GRIK1: variants seen among roughly 807,000 people sequenced by gnomAD.
GRIK1 encodes the protein glutamate ionotropic receptor kainate type subunit 1.
In GRIK1, 69 loss-of-function variants were observed where a neutral mutation model predicts 105.7. That is an observed-to-expected ratio of 0.65 (90% confidence interval 0.54 to 0.80). The LOEUF (loss-of-function observed/expected upper bound fraction) is 0.80. Among genes scored for constraint, GRIK1 ranks in the 30% least tolerant of loss-of-function variants. GRIK1 has a pLI of 0.00. For missense variants in GRIK1, 1,109 were observed against 1,167.3 expected, an observed-to-expected ratio of 0.95 and a Z score of 0.73; for synonymous variants, 438 against 431.3, an observed-to-expected ratio of 1.02 and a Z score of -0.19.
intron 1 of GRIK1, among the ~76,000 whole-genome samples, chr21:29,795,928 G>C (rs1310023906): frequency 6.6e-6 from 1 of 151,958 alleles, no homozygotes; most frequent in Non-Finnish European, 1.5e-5. Context: ...TGCTGTCCAG[G>C]GTTGTCAAAA....
rs560370836 is a variant in GRIK1, at chr21:29,691,533, G to A, written c.287-1548C>T. Among the ~76,000 whole-genome samples, 20 of 152,300 alleles carry A rather than the reference G, an allele frequency of 1.3e-4. No individual in the cohort carries two copies. The South Asian group carries it at 4.1e-3, about 32-fold the overall frequency. ...TATTAACCAAATTCCCTTCCGGAAA[G>A]GTTGGGGCAGTTTGCCCTCTACAAC... is the stretch of plus-strand genomic sequence containing the variant. On this transcript the variant is annotated intron_variant, in intron 2 of 17. Coordinates refer to ENST00000327783, the MANE Select transcript of GRIK1 (RefSeq NM_001330994.2).
intron 12 of GRIK1, among the ~76,000 whole-genome samples, chr21:29,585,257 T>C (rs915189656): frequency 4.0e-5 from 6 of 151,546 alleles, no homozygotes; most frequent in African/African-American, 1.2e-4. Flanking sequence ...CTGAATGAAG[T>C]CCAAAAATAT....
intron 14 of GRIK1, among the ~76,000 whole-genome samples, chr21:29,567,838 TATG>T (rs2090646657): frequency 6.6e-6 from 1 of 152,204 alleles, no homozygotes. Context: ...ATTTTGAAAA[TATG>T]ATTTAATTTA....
intron 7 of GRIK1, among the ~76,000 whole-genome samples, chr21:29,639,638 G>A (rs1601344102): frequency 1.3e-5 from 2 of 152,310 alleles, no homozygotes; most frequent in South Asian, 4.1e-4. Context: ...AAGAGTGTAT[G>A]TTTTATCCTG....
rs363492 is a variant in GRIK1 at position 29,562,098 on chromosome 21, A to C, written c.2131-249T>G. ...CTTGATCTATAAGCCATTGTGGCCC[A>C]CTGGGCTAAGGGGTGACTAGCTCAC... On this transcript the variant is annotated intron_variant, in intron 14 of 17. Coordinates refer to ENST00000327783, the MANE Select transcript of GRIK1 (RefSeq NM_001330994.2). 8.6e-3 allele frequency among the ~76,000 whole-genome samples: 1,305 copies of C among 152,284 alleles called. 22 individuals are homozygous for C. Among genetic ancestry groups the C allele is most frequent in the African/African-American group, 0.029 (1,223 of 41,562 alleles).
chr21:29,750,224 C>T (rs992812991), intron 1 of GRIK1, among the ~76,000 whole-genome samples: 4 of 134,120 alleles, frequency 3.0e-5, no homozygotes, highest in African/African-American at 1.0e-4. Flanking sequence ...TCTCTCCCTC[C>T]CTTCCTTCCC....
At chr21:29,913,625 T>C (rs1286708362) in intron 1 of GRIK1, among the ~76,000 whole-genome samples, 1 of 150,514 alleles carries the variant, frequency 6.6e-6, no homozygotes, top group Non-Finnish European at 1.5e-5. Flanking sequence ...ATATATAGAA[T>C]ACACAATGTC....
chr21:29,745,976 C>A (rs3787675), intron 1 of GRIK1, among the ~76,000 whole-genome samples: 3 of 151,986 alleles, frequency 2.0e-5, no homozygotes, highest in African/African-American at 7.2e-5. Flanking sequence ...TGGTGGCGGG[C>A]GCCTGTAGTC....
chr21:29,705,061 A>G (rs1288950811), intron 1 of GRIK1, among the ~76,000 whole-genome samples: 1 of 152,234 alleles, frequency 6.6e-6, no homozygotes, highest in Admixed American at 6.5e-5. Context: ...GAATAAGACA[A>G]GTTCACAACC....
At chr21:29,859,427 C>T (rs1328073738) in intron 1 of GRIK1, among the ~76,000 whole-genome samples, 1 of 151,544 alleles carries the variant, frequency 6.6e-6, no homozygotes, top group Non-Finnish European at 1.5e-5. Flanking sequence ...TGTAAGAAGG[C>T]TCAAGAATCA....
chr21:29,820,719 GAATAAT>G (rs2067277514), intron 1 of GRIK1, among the ~76,000 whole-genome samples: 1 of 151,982 alleles, frequency 6.6e-6, no homozygotes, highest in Non-Finnish European at 1.5e-5. Flanking sequence ...GAAAAGGGGA[GAATAAT>G]AATAGGTATG....
chr21:29,629,120 T>C (rs1224111439), intron 7 of GRIK1, among the ~76,000 whole-genome samples: 1 of 152,082 alleles, frequency 6.6e-6, no homozygotes, highest in East Asian at 1.9e-4. Flanking sequence ...TAGAAATGTA[T>C]TTATAGTACA....
chr21:29,801,149 G>A (rs535251657), intron 1 of GRIK1, among the ~76,000 whole-genome samples: 1 of 151,984 alleles, frequency 6.6e-6, no homozygotes, highest in Non-Finnish European at 1.5e-5. Context: ...GCCAGGAGTA[G>A]TGACTCTTTG....
intron 1 of GRIK1, among the ~76,000 whole-genome samples, chr21:29,894,948 T>C (rs2070071773): frequency 6.6e-6 from 1 of 152,170 alleles, no homozygotes; most frequent in African/African-American, 2.4e-5. Flanking sequence ...TATCTATAAG[T>C]AGCCATTTAA....
rs758827283 is a variant in GRIK1, at chr21:29,740,222, CTT to C, written c.119-46161_119-46160del. Among the ~76,000 whole-genome samples, 448 of 143,590 alleles carry C rather than the reference CTT, an allele frequency of 3.1e-3. 2 individuals are homozygous for C. Among genetic ancestry groups the C allele is most frequent in the African/African-American group, 4.5e-3 (179 of 39,402 alleles). 94.2% of individuals were successfully genotyped at this position (143,590 alleles called of 152,430 possible). On this transcript the variant is annotated intron_variant, in intron 1 of 17. Transcript: ENST00000327783. ...CTCATGCTGCCCTTATTTTCCTTTT[CTT>C]TTTTTTTTTTTTGAGACAGAGTCTC...
intron 16 of GRIK1, chr21:29,553,749 A>G (rs2090181284): frequency 1.6e-6 from 2 of 1,267,068 alleles, no homozygotes; most frequent in Non-Finnish European, 1.1e-6. Flanking sequence ...AAAATGAATA[A>G]ATCAGAAGCA....
chr21:29,793,269 A>AT (rs1601711792), intron 1 of GRIK1, among the ~76,000 whole-genome samples: 1 of 152,132 alleles, frequency 6.6e-6, no homozygotes, highest in South Asian at 2.1e-4. Flanking sequence ...TGATAGGAAC[A>AT]TTTTTTTGTG....
At chr21:29,870,378 A>G (rs1190000915) in intron 1 of GRIK1, among the ~76,000 whole-genome samples, 1 of 152,028 alleles carries the variant, frequency 6.6e-6, no homozygotes, top group African/African-American at 2.4e-5. Flanking sequence ...TTGCCAGTTT[A>G]TATTGCCTTT....
intron 4 of GRIK1, among the ~76,000 whole-genome samples, chr21:29,662,248 A>G (rs2146603691): frequency 6.6e-6 from 1 of 152,356 alleles, no homozygotes; most frequent in East Asian, 1.9e-4. Context: ...TGCACAACAG[A>G]TGAGATTATG....
Sources: gnomAD v4.1 joint callset for allele counts (sites outside exome capture counted in the v4.1 genomes callset) on GRCh38, gnomAD v4.1.1 for gene constraint, MANE v1.5 for transcripts, NCBI Gene and HGNC (gene_info 2026-07-23, HGNC 2026-07-21) for gene names.